CTNNA2: variants seen among roughly 807,000 people sequenced by gnomAD.
CTNNA2 encodes the protein catenin alpha-2.
In CTNNA2, 42 loss-of-function variants were observed where a neutral mutation model predicts 101.0. That is an observed-to-expected ratio of 0.42 (90% confidence interval 0.32 to 0.54). CTNNA2 has a LOEUF of 0.54. Among genes scored for constraint, CTNNA2 ranks in the 20% least tolerant of loss-of-function variants. The pLI, the probability that CTNNA2 is intolerant of heterozygous loss-of-function variation, is 0.14. For missense variants in CTNNA2, 871 were observed against 1,223.1 expected (o/e 0.71, Z 4.29); for synonymous variants, 450 against 456.4 (o/e 0.99, Z 0.18).
intron 9 of CTNNA2, among the ~76,000 whole-genome samples, chr2:80,513,161 C>A (rs1223384306): frequency 3.3e-5 from 5 of 152,106 alleles, no homozygotes; most frequent in Non-Finnish European, 7.4e-5. Context: ...TGGTCCACAC[C>A]AGAGGGGGGT....
chr2:80,121,202 G>T (rs191641349), intron 7 of CTNNA2, among the ~76,000 whole-genome samples: 2 of 152,158 alleles, frequency 1.3e-5, no homozygotes, highest in African/African-American at 2.4e-5. Flanking sequence ...CAACAGATTA[G>T]ATTATAATTT....
intron 12 of CTNNA2, among the ~76,000 whole-genome samples, chr2:80,569,679 G>T (rs1250946700): frequency 2.9e-5 from 2 of 68,032 alleles, no homozygotes; most frequent in Admixed American, 1.9e-4. Context: ...GTCTTGCTCT[G>T]TTGCCCAGGC....
chr2:80,497,056 G>C (rs1687533416), intron 9 of CTNNA2, among the ~76,000 whole-genome samples: 1 of 152,144 alleles, frequency 6.6e-6, no homozygotes, highest in Non-Finnish European at 1.5e-5. Context: ...AGGAGCATTT[G>C]CATTTATTTT....
chr2:79,801,664 G>T (rs1366874596), intron 3 of CTNNA2, among the ~76,000 whole-genome samples: 2 of 152,072 alleles, frequency 1.3e-5, no homozygotes, highest in African/African-American at 2.4e-5. Context: ...GCAGTGTGTA[G>T]AACCCTTAAA....
intron 18 of CTNNA2, among the ~76,000 whole-genome samples, chr2:80,637,279 TTATAA>T (rs1312662753): frequency 6.6e-6 from 1 of 152,184 alleles, no homozygotes; most frequent in Non-Finnish European, 1.5e-5. Context: ...ATTTAATGCT[TTATAA>T]TACTAGAAAG....
rs537730070 is a variant in CTNNA2 at position 79,552,001 on chromosome 2, T to C, written c.-6+38794T>C. Reference sequence around the variant, plus strand: ...CACCTCTGGCCCCTCCCAAATCTTATATTCTTCTCACATTTCATTCCCAAC... The same window carrying C: ...CACCTCTGGCCCCTCCCAAATCTTACATTCTTCTCACATTTCATTCCCAAC... On this transcript the variant is annotated intron_variant, in intron 1 of 18. Transcript: ENST00000402739. Among the ~76,000 whole-genome samples the C allele has an allele frequency of 5.9e-5, 9 of 152,278 alleles. No homozygotes were observed. In the South Asian group the frequency reaches 1.0e-3, roughly 18 times the overall value.
At chr2:80,393,346 A>G in intron 8 of CTNNA2, 55 bp downstream of exon 8, 1 of 1,264,680 alleles carries the variant, frequency 7.9e-7, no homozygotes, top group Non-Finnish European at 1.1e-6. Flanking sequence ...GGTTTCCAAC[A>G]ATATCCTTTT....
intron 7 of CTNNA2, among the ~76,000 whole-genome samples, chr2:80,259,678 G>T (rs1165988685): frequency 6.6e-6 from 1 of 152,154 alleles, no homozygotes; most frequent in Non-Finnish European, 1.5e-5. Context: ...CTACAATGTT[G>T]TCTCAATCAA....
chr2:80,046,233 ACTGG>A (rs1696514768), intron 7 of CTNNA2, among the ~76,000 whole-genome samples: 10 of 152,310 alleles, frequency 6.6e-5, no homozygotes, highest in Admixed American at 6.5e-4. Flanking sequence ...CCTCTCCTGA[ACTGG>A]GTTGACCTTG....
chr2:79,396,399 T>A (rs1440582028), intron 4 of CTNNA2, among the ~76,000 whole-genome samples: 3 of 152,166 alleles, frequency 2.0e-5, no homozygotes, highest in African/African-American at 7.2e-5. Flanking sequence ...CCTCAGGCGA[T>A]CTGCCCGCCT....
At chr2:80,613,759 A>G (rs1698641903) in intron 17 of CTNNA2, among the ~76,000 whole-genome samples, 1 of 151,544 alleles carries the variant, frequency 6.6e-6, no homozygotes, top group African/African-American at 2.4e-5. Flanking sequence ...GTTGTGGCAA[A>G]GCTAGGATGC....
At chr2:80,637,001 A>G (rs1672957833) in intron 18 of CTNNA2, among the ~76,000 whole-genome samples, 1 of 152,082 alleles carries the variant, frequency 6.6e-6, no homozygotes, top group African/African-American at 2.4e-5. Flanking sequence ...CTTATCCCTA[A>G]AACTGTAATA....
chr2:79,454,878 G>A lies in CTNNA2; in HGVS notation c.-134-50176G>A, dbSNP rs914732794. Among the ~76,000 whole-genome samples, 7 of 152,236 alleles carry A rather than the reference G, an allele frequency of 4.6e-5. No individual in the cohort carries two copies. In the East Asian group the frequency reaches 5.8e-4, roughly 13 times the overall value. The stretch of plus-strand genomic sequence containing the variant: ...GAGGCAGACCTGTGAATATATGCTC[G>A]TATCTTTCTTGTTACACTATAATAT... On this transcript the variant is annotated intron_variant, in intron 4 of 21. Coordinates refer to the CTNNA2 transcript ENST00000466387.
At chr2:80,392,430 G>T (rs1677601250) in intron 7 of CTNNA2, among the ~76,000 whole-genome samples, 1 of 152,114 alleles carries the variant, frequency 6.6e-6, no homozygotes, top group Non-Finnish European at 1.5e-5. Context: ...TCATCCATGG[G>T]AATCTTGTTG....
In CTNNA2 at chr2:80,110,006, C is replaced by T. The variant is rs564355735; in HGVS notation, c.1056+200209C>T. Among the ~76,000 whole-genome samples the T allele has an allele frequency of 7.9e-5, 12 of 152,272 alleles. No individual in the cohort carries two copies. In the South Asian group the frequency reaches 2.1e-3, roughly 26 times the overall value. On this transcript the variant is annotated intron_variant, in intron 7 of 18. Transcript: ENST00000402739. Reference sequence around the variant, plus strand: ...TTTATGGTTGATTGTGTGCGCACTGCGTTACCGTAGGATCCCATTCACAGT... The same window carrying T: ...TTTATGGTTGATTGTGTGCGCACTGTGTTACCGTAGGATCCCATTCACAGT...
chr2:79,346,727 T>G (rs192314858), intron 3 of CTNNA2, among the ~76,000 whole-genome samples: 146 of 152,356 alleles, frequency 9.6e-4, no homozygotes, highest in African/African-American at 3.4e-3. Context: ...TCACAAAATA[T>G]TGCTTTACAA....
intron 1 of CTNNA2, among the ~76,000 whole-genome samples, chr2:79,536,104 T>C (rs918070584): frequency 1.3e-5 from 2 of 152,174 alleles, no homozygotes; most frequent in African/African-American, 4.8e-5. Context: ...AATGAGGCAC[T>C]GATTGGGGTC....
intron 4 of CTNNA2, among the ~76,000 whole-genome samples, chr2:79,463,301 G>T (rs755347693): frequency 6.6e-6 from 1 of 151,464 alleles, no homozygotes; most frequent in African/African-American, 2.4e-5. Flanking sequence ...TCAGCTACTC[G>T]GGAGGCTGAG....
intron 7 of CTNNA2, among the ~76,000 whole-genome samples, chr2:80,025,331 C>A (rs902585605): frequency 2.0e-5 from 3 of 152,194 alleles, no homozygotes; most frequent in East Asian, 3.9e-4. Flanking sequence ...CATTCCCCTG[C>A]CTCCTGTCGG....
Sources: gnomAD v4.1 joint callset for allele counts (sites outside exome capture counted in the v4.1 genomes callset) on GRCh38, gnomAD v4.1.1 for gene constraint, MANE v1.5 for transcripts, NCBI Gene and HGNC (gene_info 2026-07-23, HGNC 2026-07-21) for gene names.